ERBB4: variants seen among roughly 807,000 people sequenced by gnomAD.
ERBB4 encodes the protein receptor tyrosine-protein kinase erbB-4.
Under a neutral mutation model 158.0 loss-of-function variants are expected in ERBB4, and 42 were observed. That is an observed-to-expected ratio of 0.27 (90% confidence interval 0.21 to 0.34). The LOEUF (loss-of-function observed/expected upper bound fraction) is 0.34. ERBB4 is among the 10% of genes least tolerant of loss of function. The pLI is 1.00. For synonymous variants in ERBB4, 583 were observed against 558.7 expected, an observed-to-expected ratio of 1.04 and a Z score of -0.61; for missense variants, 1,333 against 1,624.1, an observed-to-expected ratio of 0.82 and a Z score of 3.08.
intron 2 of ERBB4, among the ~76,000 whole-genome samples, chr2:212,115,510 C>A (rs1222827357): frequency 6.6e-6 from 1 of 152,094 alleles, no homozygotes; most frequent in Non-Finnish European, 1.5e-5. Context: ...TTAACAACAT[C>A]ACATAAATTG....
chr2:212,062,396 ATTCTTTTTTTTTTTTTTTT>A (rs1449230846), intron 2 of ERBB4, among the ~76,000 whole-genome samples: 173 of 96,532 alleles, frequency 1.8e-3, no homozygotes, highest in Non-Finnish European at 3.0e-3. Flanking sequence ...TCACTTGTCA[ATTCTTTTTTTTTTTTTTTT>A]TTTTTTTTTT....
intron 17 of ERBB4, 104 bp downstream of exon 17, chr2:211,630,358 C>A: frequency 1.5e-6 from 2 of 1,316,202 alleles, no homozygotes; most frequent in Non-Finnish European, 1.1e-6. Context: ...TTAATTAGGA[C>A]ACTGAACAGA....
intron 12 of ERBB4, among the ~76,000 whole-genome samples, chr2:211,695,951 T>C (rs975025916): frequency 6.0e-5 from 9 of 148,938 alleles, no homozygotes; most frequent in African/African-American, 2.0e-4. Context: ...TTCTTTCTTT[T>C]TATTTCTTCT....
chr2:212,172,973 A>T (rs938817344), intron 1 of ERBB4, among the ~76,000 whole-genome samples: 4 of 152,142 alleles, frequency 2.6e-5, no homozygotes, highest in African/African-American at 9.7e-5. Context: ...AAATGTAAAA[A>T]ATAGGTCTAT....
intron 2 of ERBB4, among the ~76,000 whole-genome samples, chr2:212,014,686 C>T (rs1264594290): frequency 6.6e-6 from 1 of 152,046 alleles, no homozygotes; most frequent in Non-Finnish European, 1.5e-5. Flanking sequence ...AGCCTCTTTT[C>T]TCACTAAATA....
intron 16 of ERBB4, among the ~76,000 whole-genome samples, chr2:211,643,275 C>G (rs952581949): frequency 6.6e-6 from 1 of 152,118 alleles, no homozygotes; most frequent in African/African-American, 2.4e-5. Flanking sequence ...AAGCCTATCC[C>G]TCTACTTCTG....
At chr2:212,058,744 T>C (rs1370973092) in intron 2 of ERBB4, among the ~76,000 whole-genome samples, 3 of 152,232 alleles carry the variant, frequency 2.0e-5, no homozygotes, top group Non-Finnish European at 4.4e-5. Flanking sequence ...TCAACAGCCC[T>C]TCATGCTAAA....
intron 5 of ERBB4, among the ~76,000 whole-genome samples, chr2:211,733,066 C>T (rs1326587085): frequency 2.6e-5 from 4 of 152,284 alleles, no homozygotes; most frequent in South Asian, 2.1e-4. Flanking sequence ...TGGTGACCCA[C>T]GGACTATGAC....
intron 1 of ERBB4, among the ~76,000 whole-genome samples, chr2:212,234,636 A>G (rs1487531293): frequency 9.9e-5 from 15 of 152,108 alleles, no homozygotes; most frequent in Admixed American, 9.8e-4. Context: ...CATCCTCTCC[A>G]GCATCTGTTG....
intron 3 of ERBB4, among the ~76,000 whole-genome samples, chr2:211,827,251 A>G (rs1337720277): frequency 3.3e-5 from 5 of 152,042 alleles, no homozygotes. Context: ...ATTCATTCAC[A>G]TGATAATTTA....
intron 2 of ERBB4, among the ~76,000 whole-genome samples, chr2:212,055,455 G>T (rs1255408861): frequency 6.6e-6 from 1 of 152,230 alleles, no homozygotes; most frequent in Non-Finnish European, 1.5e-5. Context: ...CAGAGTCTGA[G>T]ATCTGAGAAT....
intron 15 of ERBB4, among the ~76,000 whole-genome samples, chr2:211,663,009 G>C (rs193238427): frequency 3.9e-5 from 6 of 152,256 alleles, no homozygotes; most frequent in Non-Finnish European, 7.4e-5. Context: ...ATAGTTACTT[G>C]CTCCATCATC....
chr2:211,870,985 T>G (rs2078329422), intron 3 of ERBB4, among the ~76,000 whole-genome samples: 1 of 152,178 alleles, frequency 6.6e-6, no homozygotes, highest in Non-Finnish European at 1.5e-5. Flanking sequence ...GACCTAGAAA[T>G]TCTAAAAGTC....
At chr2:212,058,785 G>T (rs1236577101) in intron 2 of ERBB4, among the ~76,000 whole-genome samples, 2 of 152,084 alleles carry the variant, frequency 1.3e-5, no homozygotes, top group South Asian at 2.1e-4. Context: ...TTGATGGGAC[G>T]TATCTCAAAA....
chr2:212,490,197 C>G (rs888316856), intron 1 of ERBB4, among the ~76,000 whole-genome samples: 1 of 151,816 alleles, frequency 6.6e-6, no homozygotes, highest in Non-Finnish European at 1.5e-5. Context: ...CTATTTCACA[C>G]GCATATTTCT....
rs2105939313 is a variant in ERBB4, at chr2:211,673,270, C to T, written c.1623-13G>A. On this transcript the variant is annotated splice_polypyrimidine_tract_variant and intron_variant, in intron 13 of 27. Transcript: ENST00000342788. ...CTCCCGAAATTCACTGTGAAAACATCAGCCACATGAGGAGGTGTAAGCAAA... is the reference window on the plus strand; with the variant it reads ...CTCCCGAAATTCACTGTGAAAACATTAGCCACATGAGGAGGTGTAAGCAAA... 6.3e-7 allele frequency: 1 copy of T among 1,595,676 alleles called. No homozygotes were observed. The highest frequency in any genetic ancestry group is 8.6e-7 in the Non-Finnish European group (1 of 1,163,376).
intron 2 of ERBB4, among the ~76,000 whole-genome samples, chr2:211,974,287 C>T (rs2081543552): frequency 6.6e-6 from 1 of 151,932 alleles, no homozygotes; most frequent in Non-Finnish European, 1.5e-5. Flanking sequence ...TCTTTATCTT[C>T]ATAATTCCAG....
At chr2:211,766,913 G>C (rs1199288426) in intron 4 of ERBB4, among the ~76,000 whole-genome samples, 3 of 152,162 alleles carry the variant, frequency 2.0e-5, no homozygotes, top group Non-Finnish European at 4.4e-5. Context: ...TGTCGGCCTT[G>C]TCTTCATTTG....
At chr2:212,421,048 G>A (rs2091780336) in intron 1 of ERBB4, among the ~76,000 whole-genome samples, 1 of 152,090 alleles carries the variant, frequency 6.6e-6, no homozygotes, top group African/African-American at 2.4e-5. Context: ...TCTCCAGTTT[G>A]TGGTGATGTT....
Sources: gnomAD v4.1 joint callset for allele counts (sites outside exome capture counted in the v4.1 genomes callset) on GRCh38, gnomAD v4.1.1 for gene constraint, MANE v1.5 for transcripts, NCBI Gene and HGNC (gene_info 2026-07-23, HGNC 2026-07-21) for gene names.